Variants in BICRAL observed in about 807,000 individuals in gnomAD.
BICRAL encodes the protein BRD4-interacting chromatin-remodeling complex-associated protein-like.
A neutral mutation model predicts 91.8 loss-of-function variants in BICRAL; 8 were observed. The observed-to-expected ratio is 0.09, with a 90% CI of 0.05 to 0.16. The LOEUF (loss-of-function observed/expected upper bound fraction) is 0.16, where lower values mean the gene tolerates loss of function less well. Among genes scored for constraint, BICRAL ranks in the 10% least tolerant of loss-of-function variants. BICRAL has a pLI of 1.00. For missense variants in BICRAL, 1,038 were observed against 1,310.9 expected (o/e 0.79, Z 3.21); for synonymous variants, 445 against 491.1 (o/e 0.91, Z 1.24).
At chr6:42,774,010 A>T (rs920065687) in intron 1 of BICRAL, among the ~76,000 whole-genome samples, 2 of 152,216 alleles carry the variant, frequency 1.3e-5, no homozygotes, top group Non-Finnish European at 2.9e-5. Flanking sequence ...ACCCGTCCAG[A>T]TGTGATTGCA....
Position 42,860,358 on chromosome 6 carries a change from TA to T in BICRAL, c.2349+6del. 6.4e-7 allele frequency: 1 copy of T among 1,573,300 alleles called. No individual in the cohort carries two copies. The highest frequency in any genetic ancestry group is 8.7e-7 in the Non-Finnish European group (1 of 1,143,944). ...TGCCTGCTCCTAGAAGATGCCATGG[TA>T]AAAGTCATGCTACTGATATTTGTTC... On this transcript the variant is annotated splice_donor_region_variant and intron_variant, in intron 11 of 12. Transcript: ENST00000314073.
At chr6:42,792,409 A>G (rs1763299919) in intron 1 of BICRAL, among the ~76,000 whole-genome samples, 1 of 149,866 alleles carries the variant, frequency 6.7e-6, no homozygotes, top group South Asian at 2.1e-4. Flanking sequence ...CTGGGATTAC[A>G]TGCATGTACC....
chr6:42,749,472 C>T (rs1762340902), intron 1 of BICRAL, among the ~76,000 whole-genome samples: 1 of 152,136 alleles, frequency 6.6e-6, no homozygotes, highest in Non-Finnish European at 1.5e-5. Flanking sequence ...TCAGATAGCA[C>T]AGTAGCCTAA....
chr6:42,813,088 A>G (rs1411786907), intron 2 of BICRAL, among the ~76,000 whole-genome samples: 1 of 152,210 alleles, frequency 6.6e-6, no homozygotes, highest in Non-Finnish European at 1.5e-5. Context: ...AAAATACAGC[A>G]TCATTGAGCT....
intron 2 of BICRAL, among the ~76,000 whole-genome samples, chr6:42,817,609 A>G (rs2113931520): frequency 6.6e-6 from 1 of 151,932 alleles, no homozygotes; most frequent in East Asian, 1.9e-4. Flanking sequence ...CCTCCCAAGT[A>G]GCTGGAACTA....
At chr6:42,823,270 C>T (rs1369131855) in intron 5 of BICRAL, among the ~76,000 whole-genome samples, 2 of 152,060 alleles carry the variant, frequency 1.3e-5, no homozygotes, top group Admixed American at 6.6e-5. Flanking sequence ...GGACTACAGG[C>T]GCATGCCACA....
chr6:42,748,023 C>CG (rs1432734319), intron 1 of BICRAL, among the ~76,000 whole-genome samples: 1 of 151,264 alleles, frequency 6.6e-6, no homozygotes, highest in Non-Finnish European at 1.5e-5. Flanking sequence ...AGGCTCGTCT[C>CG]GAACTCCCGA....
chr6:42,782,826 G>C lies in BICRAL; in HGVS notation c.-102+725G>C, dbSNP rs1321999015. Among the ~76,000 whole-genome samples, 7 of 152,244 alleles carry C rather than the reference G, an allele frequency of 4.6e-5. 1 individual carries two copies. The highest frequency in any genetic ancestry group is 1.4e-4 in the African/African-American group (6 of 41,546). ...GGGCCGCGAGCAGGGGGCAGGGAGG[G>C]CCTGGAGTGACGGCGGGCGAGGAAG... is the stretch of plus-strand genomic sequence containing the variant. On this transcript the variant is annotated intron_variant, in intron 1 of 12. Transcript: ENST00000314073.
At chr6:42,786,878 G>T (rs543009191) in intron 1 of BICRAL, among the ~76,000 whole-genome samples, 1 of 152,318 alleles carries the variant, frequency 6.6e-6, no homozygotes, top group African/African-American at 2.4e-5. Context: ...TATGAATAGG[G>T]TAGGAATGAG....
At chr6:42,845,133 A>G (rs1562490852) in intron 6 of BICRAL, among the ~76,000 whole-genome samples, 12 of 145,858 alleles carry the variant, frequency 8.2e-5, no homozygotes. Context: ...TTGGATGGTA[A>G]ATTTGAGATA....
upstream of BICRAL, among the ~76,000 whole-genome samples, chr6:42,780,592 T>A (rs1435086707): frequency 1.3e-5 from 2 of 152,184 alleles, 1 homozygote; most frequent in Middle Eastern, 6.3e-3. Flanking sequence ...TGAATTACAT[T>A]CTGTACAATT....
intron 1 of BICRAL, among the ~76,000 whole-genome samples, chr6:42,790,222 A>G (rs1158805759): frequency 2.0e-5 from 3 of 152,106 alleles, no homozygotes; most frequent in Admixed American, 6.6e-5. Context: ...CAGTGGTACA[A>G]TTGTAGCTCA....
intron 5 of BICRAL, among the ~76,000 whole-genome samples, chr6:42,823,914 ACTC>A (rs1392963804): frequency 6.6e-6 from 1 of 150,696 alleles, no homozygotes; most frequent in Non-Finnish European, 1.5e-5. Context: ...ACAGAGCGAA[ACTC>A]CATCTCAAAC....
chr6:42,768,973 T>C (rs961317579), intron 1 of BICRAL, among the ~76,000 whole-genome samples: 1 of 152,244 alleles, frequency 6.6e-6, no homozygotes, highest in Non-Finnish European at 1.5e-5. Flanking sequence ...TGGGTAACTC[T>C]AATATATTTT....
At chr6:42,847,416 T>C (rs1451680568) in intron 6 of BICRAL, among the ~76,000 whole-genome samples, 1 of 152,202 alleles carries the variant, frequency 6.6e-6, no homozygotes, top group East Asian at 1.9e-4. Context: ...ATACTTTTTC[T>C]GCATCTGTTG....
intron 1 of BICRAL, among the ~76,000 whole-genome samples, chr6:42,756,722 C>A (rs1285349227): frequency 6.6e-6 from 1 of 151,982 alleles, no homozygotes; most frequent in African/African-American, 2.4e-5. Context: ...GCTTACACAG[C>A]AATAATTTCT....
chr6:42,829,560 C>T lies in BICRAL; in HGVS notation c.1227C>T (p.Val409=). The change falls in exon 6 of 13, where the codon GTC becomes GTT. Residue 409 remains valine (V), a synonymous_variant. Coordinates refer to ENST00000314073, the MANE Select transcript of BICRAL (RefSeq NM_001393499.1). ...TCCTTATACCTACAAGCCTTTCTGTCAGTTCCAACTCGGTACACCACGTCC... is the reference window on the plus strand; with the variant it reads ...TCCTTATACCTACAAGCCTTTCTGTTAGTTCCAACTCGGTACACCACGTCC... ...SQFLIPTSLS[V]SSNSVHHVQT... 1 of 1,614,202 alleles carries T rather than the reference C, an allele frequency of 6.2e-7. No individual in the cohort carries two copies. Among genetic ancestry groups the T allele is most frequent in the Non-Finnish European group, 8.5e-7 (1 of 1,180,040 alleles).
intron 1 of BICRAL, among the ~76,000 whole-genome samples, chr6:42,764,269 C>T (rs549383062): frequency 1.0e-4 from 14 of 137,946 alleles, no homozygotes; most frequent in Non-Finnish European, 2.2e-4. Context: ...AAATGTCTGT[C>T]GGGCACAGTG....
chr6:42,783,804 C>T (rs539376322), intron 1 of BICRAL, among the ~76,000 whole-genome samples: 3 of 152,336 alleles, frequency 2.0e-5, no homozygotes, highest in South Asian at 2.1e-4. Flanking sequence ...CCCGCACCCC[C>T]ACTCCTCCCA....
Sources: allele counts gnomAD v4.1 joint callset (sites outside exome capture counted in the v4.1 genomes callset), GRCh38; gene constraint gnomAD v4.1.1; transcripts MANE v1.5; gene names NCBI Gene and HGNC (gene_info 2026-07-23, HGNC 2026-07-21).